WLS: variants seen among roughly 807,000 people sequenced by gnomAD.
WLS encodes the protein protein wntless homolog.
WLS carries 23 observed loss-of-function variants against 62.8 expected under a neutral mutation model. The ratio of observed to expected loss-of-function variants is 0.37; its 90% CI spans 0.26 to 0.52. The LOEUF is 0.52. WLS is among the 20% of genes least tolerant of loss of function. The pLI is 0.92. For missense variants in WLS, 615 were observed against 697.3 expected (o/e 0.88, Z 1.33); for synonymous variants, 246 against 244.1 (o/e 1.01, Z -0.07).
At chr1:68,123,344 T>G (rs576531326), downstream of WLS, among the ~76,000 whole-genome samples, 1 of 152,292 alleles carries the variant, frequency 6.6e-6, no homozygotes, top group Admixed American at 6.5e-5. Flanking sequence ...AATCTGGTTC[T>G]TTCTTTGAAA....
downstream of WLS, among the ~76,000 whole-genome samples, chr1:68,123,339 G>T (rs556989771): frequency 2.6e-4 from 39 of 151,834 alleles, no homozygotes; most frequent in African/African-American, 8.5e-4. Flanking sequence ...TTATGAATCT[G>T]GTTCTTTCTT....
intron 11 of WLS, chr1:68,127,170 G>A (rs1646444583): frequency 9.8e-6 from 3 of 304,686 alleles, no homozygotes; most frequent in South Asian, 2.5e-5. Context: ...CTCCAGCCTG[G>A]GTGACAGAGT....
At chr1:68,114,499 C>A (rs1177008406) in intron 11 of WLS, among the ~76,000 whole-genome samples, 1 of 152,216 alleles carries the variant, frequency 6.6e-6, no homozygotes, top group Non-Finnish European at 1.5e-5. Flanking sequence ...TGTCCTAATT[C>A]ATATGTTCCC....
chr1:68,111,698 C>T (rs1646230986), intron 11 of WLS, among the ~76,000 whole-genome samples: 2 of 152,140 alleles, frequency 1.3e-5, no homozygotes, highest in African/African-American at 4.8e-5. Flanking sequence ...GGTCGGGAAA[C>T]ATTTGGATAC....
chr1:68,119,577 G>A (rs143859317), intron 11 of WLS, among the ~76,000 whole-genome samples: 1 of 152,270 alleles, frequency 6.6e-6, no homozygotes, highest in African/African-American at 2.4e-5. Context: ...TCAGCCCCAG[G>A]GGACAACTCT....
intron 2 of WLS, among the ~76,000 whole-genome samples, chr1:68,168,864 C>T (rs575855603): frequency 5.9e-5 from 9 of 152,244 alleles, no homozygotes; most frequent in South Asian, 2.1e-4. Flanking sequence ...TTTTTCTTGA[C>T]GCTTTCAATT....
At chr1:68,171,504 G>A (rs1242493568) in intron 2 of WLS, among the ~76,000 whole-genome samples, 1 of 152,096 alleles carries the variant, frequency 6.6e-6, no homozygotes, top group African/African-American at 2.4e-5. Context: ...AGTGGGTGAA[G>A]GATATGAACA....
chr1:68,104,861 A>G (rs1039198408), intron 11 of WLS, among the ~76,000 whole-genome samples: 1 of 152,264 alleles, frequency 6.6e-6, no homozygotes, highest in Non-Finnish European at 1.5e-5. Context: ...CCAAGGATGC[A>G]GGTAGCCATG....
chr1:68,232,133 A>C lies in WLS; in HGVS notation c.106+61T>G, dbSNP rs1650455931. On this transcript the variant is annotated intron_variant, in intron 1 of 11. Coordinates refer to ENST00000262348, the MANE Select transcript of WLS (RefSeq NM_024911.7). Reference sequence around the variant, plus strand: ...TACTGTAACAAGTAGCCCAAGAGGCAAAGAGGGAAGGGGCCCGAAAAGACA... The same window carrying C: ...TACTGTAACAAGTAGCCCAAGAGGCCAAGAGGGAAGGGGCCCGAAAAGACA... 8 of 1,608,310 alleles carry C rather than the reference A, an allele frequency of 5.0e-6. No homozygotes were observed. The South Asian group carries it at 7.7e-5, about 16-fold the overall frequency.
At chr1:68,118,650 C>G (rs1646324692) in intron 11 of WLS, among the ~76,000 whole-genome samples, 1 of 151,336 alleles carries the variant, frequency 6.6e-6, no homozygotes, top group Non-Finnish European at 1.5e-5. Flanking sequence ...CCAAGACGGG[C>G]AAATCACAAG....
At chr1:68,186,404 A>G in intron 2 of WLS, 1 of 345,730 alleles carries the variant, frequency 2.9e-6, no homozygotes. Flanking sequence ...AACCAGATAT[A>G]TATTATAAAC....
intron 11 of WLS, among the ~76,000 whole-genome samples, chr1:68,108,985 C>G (rs1391196495): frequency 6.6e-6 from 1 of 152,166 alleles, no homozygotes; most frequent in East Asian, 1.9e-4. Context: ...TTATGAAATG[C>G]TTAGTGCTAT....
intron 1 of WLS, chr1:68,231,512 A>G: frequency 6.6e-6 from 2 of 301,412 alleles, no homozygotes; most frequent in South Asian, 5.6e-5. Flanking sequence ...GACCTCTCCA[A>G]CTTCCCGCGG....
downstream of WLS, among the ~76,000 whole-genome samples, chr1:68,123,099 TA>T (rs1259939366): frequency 6.6e-6 from 1 of 152,176 alleles, no homozygotes; most frequent in Admixed American, 6.5e-5. Flanking sequence ...CCCTGCGGAC[TA>T]AAAAACACAA....
At chr1:68,229,428 C>A (rs561297204) in intron 1 of WLS, among the ~76,000 whole-genome samples, 13 of 151,054 alleles carry the variant, frequency 8.6e-5, no homozygotes, top group Non-Finnish European at 1.5e-4. Context: ...ATTAGAGAGA[C>A]ACTTCACACC....
At chr1:68,191,988 C>T (rs568744700) in intron 2 of WLS, among the ~76,000 whole-genome samples, 13 of 152,262 alleles carry the variant, frequency 8.5e-5, no homozygotes, top group African/African-American at 3.1e-4. Context: ...TCCATATCCT[C>T]CTGGGCATAA....
At chr1:68,212,028 C>G (rs1268771116) in intron 1 of WLS, among the ~76,000 whole-genome samples, 1 of 152,130 alleles carries the variant, frequency 6.6e-6, no homozygotes, top group African/African-American at 2.4e-5. Context: ...AACGAAGTAC[C>G]CTTTGTATCC....
rs750460848 is a variant in WLS, at chr1:68,194,124, A to T, written c.210T>A (p.His70Gln). 1.2e-6 allele frequency: 2 copies of T among 1,614,184 alleles called. No individual in the cohort carries two copies. The highest frequency in any genetic ancestry group is 1.7e-6 in the Non-Finnish European group (2 of 1,180,034). ...CTTCAATGTCTCGGATCTTGTCACA[A>T]TGATTGGGTCCCCAAGGCACGAACC... is the stretch of plus-strand genomic sequence containing the variant. ...TKWFVPWGPN[H>Q]CDKIRDIEEA... The change falls in exon 2 of 12, where the codon CAT becomes CAA. Residue 70 changes from histidine (H) to glutamine (Q), a missense_variant. Coordinates refer to ENST00000262348, the MANE Select transcript of WLS (RefSeq NM_024911.7).
Position 68,144,599 on chromosome 1 carries a change from G to A in WLS, c.1332C>T (p.Ala444=). 2.5e-6 allele frequency: 4 copies of A among 1,613,694 alleles called. No individual in the cohort carries two copies. The South Asian group carries it at 4.4e-5, about 18-fold the overall frequency. The change falls in exon 10 of 12, where the codon GCC becomes GCT. Residue 444 remains alanine (A), a synonymous_variant. Coordinates refer to ENST00000262348, the MANE Select transcript of WLS (RefSeq NM_024911.7). ...TAACGATGAAGAAGATGACAGTCAT[G>A]GCAGCGCAGGCCAAGGTGATAAGCA... is the stretch of plus-strand genomic sequence containing the variant. ...FLMLITLACA[A]MTVIFFIVSQ...
Sources: allele counts gnomAD v4.1 joint callset (sites outside exome capture counted in the v4.1 genomes callset), GRCh38; gene constraint gnomAD v4.1.1; transcripts MANE v1.5; gene names NCBI Gene and HGNC (gene_info 2026-07-23, HGNC 2026-07-21).